The following CHM variants were observed in gnomAD, a reference collection of about 807,000 sequenced individuals.
CHM encodes the protein rab proteins geranylgeranyltransferase component A 1.
A neutral mutation model predicts 49.0 loss-of-function variants in CHM; 10 were observed. That is an observed-to-expected ratio of 0.20 (90% CI 0.13 to 0.35). The LOEUF (loss-of-function observed/expected upper bound fraction) is 0.35. Ranked by LOEUF, CHM falls within the 10% of genes least tolerant of loss-of-function variation. The pLI is 1.00. For missense variants in CHM, 455 were observed against 478.4 expected (o/e 0.95, Z 0.46); for synonymous variants, 184 against 167.5 (o/e 1.10, Z -0.76).
chrX:85,969,168 T>G (rs1930743003), intron 4 of CHM: 2 of 736,834 alleles, frequency 2.7e-6, no homozygotes, highest in Admixed American at 8.9e-5. Context: ...ACAAATAAGT[T>G]TTCATCCTGC....
At chrX:85,866,706 G>A (rs1432399258) in intron 14 of CHM, among the ~76,000 whole-genome samples, 3 of 113,183 alleles carry the variant, frequency 2.7e-5, no homozygotes, top group African/African-American at 9.6e-5. Flanking sequence ...AACTGCCCAA[G>A]GCTGTGGGAG....
chrX:86,006,774 G>A (rs1005424868), intron 2 of CHM, among the ~76,000 whole-genome samples: 10 of 111,732 alleles, frequency 8.9e-5, no homozygotes, highest in African/African-American at 2.6e-4. Flanking sequence ...ACAAACAAAT[G>A]GAAGAACATT....
At chrX:85,867,843 T>TA (rs1923795211) in intron 14 of CHM, among the ~76,000 whole-genome samples, 1 of 112,193 alleles carries the variant, frequency 8.9e-6, no homozygotes, top group African/African-American at 3.2e-5. Flanking sequence ...GGTAACAGAA[T>TA]AAAAAACCTT....
chrX:86,039,970 C>T (rs770569636), intron 1 of CHM, among the ~76,000 whole-genome samples: 2 of 111,899 alleles, frequency 1.8e-5, no homozygotes, highest in African/African-American at 6.5e-5. Flanking sequence ...GCAATAAGAT[C>T]CCCTACATTT....
chrX:85,958,057 A>T, intron 6 of CHM, 82 bp from the exon 7 acceptor site: 1 of 1,098,797 alleles, frequency 9.1e-7, no homozygotes, highest in East Asian at 3.2e-5. Context: ...TCCCCTTTAC[A>T]TATAACAGGA....
chrX:86,027,311 T>C (rs941667654), intron 2 of CHM, 180 bp downstream of exon 2: 6 of 431,806 alleles, frequency 1.4e-5, no homozygotes, highest in Admixed American at 3.9e-5. Flanking sequence ...AAAACTTGTA[T>C]GCTATATATT....
chrX:85,894,397 GA>G (rs992490675), intron 11 of CHM, 113 bp from the exon 12 acceptor site: 6 of 526,708 alleles, frequency 1.1e-5, no homozygotes, highest in East Asian at 3.6e-5. Context: ...CATCATGTCT[GA>G]AAAAAATATG....
chrX:85,885,413 A>C (rs903093412), intron 12 of CHM, among the ~76,000 whole-genome samples: 1 of 110,567 alleles, frequency 9.0e-6, no homozygotes, highest in Non-Finnish European at 1.9e-5. Context: ...AAAAAGGCTT[A>C]AATTTTTACT....
chrX:85,949,988 T>A (rs937469588), intron 8 of CHM, among the ~76,000 whole-genome samples: 1 of 77,590 alleles, frequency 1.3e-5, no homozygotes, highest in Admixed American at 1.5e-4. Flanking sequence ...AATATATATA[T>A]ATATATATAT....
chrX:85,964,825 AG>A (rs1361437888), intron 4 of CHM, among the ~76,000 whole-genome samples: 3 of 108,345 alleles, frequency 2.8e-5, no homozygotes, highest in Non-Finnish European at 5.8e-5. Flanking sequence ...TTTATAGAAC[AG>A]GCTCCCATTC....
intron 2 of CHM, among the ~76,000 whole-genome samples, chrX:86,003,429 T>A (rs939320659): frequency 8.9e-6 from 1 of 112,083 alleles, no homozygotes; most frequent in Admixed American, 9.4e-5. Context: ...TTGACAGAAG[T>A]AGGCTTCAGA....
At chrX:85,928,093 T>C (rs1207357476) in intron 8 of CHM, among the ~76,000 whole-genome samples, 1 of 112,260 alleles carries the variant, frequency 8.9e-6, no homozygotes, top group East Asian at 2.8e-4. Flanking sequence ...TAAAAACTAA[T>C]CTGTATAACA....
chrX:86,030,633 AGT>A lies in CHM; in HGVS notation c.50-3078_50-3077del, dbSNP rs1934001806. 6.3e-5 allele frequency among the ~76,000 whole-genome samples: 7 copies of A among 111,379 alleles called. No individual in the cohort carries two copies. The South Asian group carries it at 2.7e-3, about 42-fold the overall frequency. On this transcript the variant is annotated intron_variant, in intron 1 of 14. Coordinates refer to ENST00000357749, the MANE Select transcript of CHM (RefSeq NM_000390.4). Reference sequence around the variant, plus strand: ...AGAATTTAAAGAGATTAAAATAATAAGTGTATTTAAAACTGTGATAGAAACAC... The same window carrying A: ...AGAATTTAAAGAGATTAAAATAATAAGTATTTAAAACTGTGATAGAAACAC...
Position 86,030,556 on chromosome X carries a change from C to T in CHM, c.50-2999G>A, listed in dbSNP as rs190831583. On this transcript the variant is annotated intron_variant, in intron 1 of 14. Coordinates refer to ENST00000357749, the MANE Select transcript of CHM (RefSeq NM_000390.4). ...TGCTAGGTAGTGAGAGGTTGCCATA[C>T]GTTTTTTGCAAGATAATCCCTAGCC... Among the ~76,000 whole-genome samples the T allele has an allele frequency of 4.1e-3, 455 of 111,432 alleles. 1 individual carries two copies. The highest frequency in any genetic ancestry group is 0.014 in the African/African-American group (427 of 30,703).
At chrX:85,918,152 G>A (rs1927565925) in intron 8 of CHM, among the ~76,000 whole-genome samples, 1 of 110,897 alleles carries the variant, frequency 9.0e-6, no homozygotes, top group Non-Finnish European at 1.9e-5. Context: ...AGTCTTGAGA[G>A]CTGCTAGAGA....
At chrX:85,991,482 G>A (rs1028211961) in intron 2 of CHM, among the ~76,000 whole-genome samples, 1 of 111,549 alleles carries the variant, frequency 9.0e-6, no homozygotes, top group African/African-American at 3.3e-5. Context: ...TAATTGAGTA[G>A]TGCCTGGTCC....
At chrX:86,001,745 G>T (rs768855956) in intron 2 of CHM, among the ~76,000 whole-genome samples, 1 of 109,927 alleles carries the variant, frequency 9.1e-6, no homozygotes, top group African/African-American at 3.3e-5. Context: ...ACTAAACTAG[G>T]GATTACATTT....
intron 9 of CHM, among the ~76,000 whole-genome samples, chrX:85,908,201 G>A (rs980785298): frequency 6.2e-5 from 7 of 112,106 alleles, no homozygotes; most frequent in African/African-American, 2.3e-4. Context: ...AGCCAGCCTT[G>A]AATCCTTAAA....
At chrX:85,889,963 A>G (rs1240643617) in intron 12 of CHM, among the ~76,000 whole-genome samples, 2 of 111,608 alleles carry the variant, frequency 1.8e-5, no homozygotes, top group Non-Finnish European at 3.8e-5. Context: ...AAATCCAAAT[A>G]TTACATGAAC....
Sources: gnomAD v4.1 joint callset for allele counts (sites outside exome capture counted in the v4.1 genomes callset) on GRCh38, gnomAD v4.1.1 for gene constraint, MANE v1.5 for transcripts, NCBI Gene and HGNC (gene_info 2026-07-23, HGNC 2026-07-21) for gene names.